Variants in SERGEF observed in about 807,000 individuals in gnomAD.
The protein encoded by SERGEF is secretion regulating guanine nucleotide exchange factor.
A neutral mutation model predicts 50.0 loss-of-function variants in SERGEF; 51 were observed. The ratio of observed to expected loss-of-function variants is 1.02; its 90% CI spans 0.81 to 1.29. The LOEUF (loss-of-function observed/expected upper bound fraction) is 1.29. Ranked by LOEUF, SERGEF falls within the 50% of genes most tolerant of loss-of-function variation. The probability of loss-of-function intolerance (pLI) is 0.00; values close to 1 mark genes in which losing one functional copy is unlikely to be tolerated. For missense variants in SERGEF, 521 were observed against 557.0 expected, an observed-to-expected ratio of 0.94 and a Z score of 0.65; for synonymous variants, 205 against 212.4, an observed-to-expected ratio of 0.97 and a Z score of 0.30.
Position 17,788,192 on chromosome 11 carries a change from C to A in SERGEF, c.1270G>T (p.Asp424Tyr), listed in dbSNP as rs1294159503. The part of the protein sequence containing the change: ...VTYLSPDAIE[D>Y]TESQKAMDKE... ...TCCATGGCTTTCTGAGATTCAGTGT[C>A]CTCGATGGCATCTGGGGAAAGGTAG... The change falls in exon 11 of 11, where the codon GAC becomes TAC. Residue 424 changes from aspartate to tyrosine, a missense_variant. Physicochemically the swap from Asp to Tyr is radical, Grantham distance 160. Coordinates refer to ENST00000265965, the MANE Select transcript of SERGEF (RefSeq NM_012139.4). 2 of 1,606,870 alleles carry A rather than the reference C, an allele frequency of 1.2e-6. No individual in the cohort carries two copies. The highest frequency in any genetic ancestry group is 8.5e-7 in the Non-Finnish European group (1 of 1,174,062).
At chr11:18,004,088 A>T (rs1854022693) in intron 4 of SERGEF, among the ~76,000 whole-genome samples, 1 of 152,212 alleles carries the variant, frequency 6.6e-6, no homozygotes, top group South Asian at 2.1e-4. Flanking sequence ...CCATTTGCCT[A>T]GCTTAGTGTC....
intron 10 of SERGEF, among the ~76,000 whole-genome samples, chr11:17,872,758 TAA>T (rs918626763): frequency 2.6e-5 from 4 of 152,202 alleles, no homozygotes; most frequent in Admixed American, 2.6e-4. Flanking sequence ...GGTCACTAGT[TAA>T]ATAAATCAAG....
intron 8 of SERGEF, among the ~76,000 whole-genome samples, chr11:17,976,807 A>C (rs1291822347): frequency 6.6e-6 from 1 of 152,216 alleles, no homozygotes; most frequent in Non-Finnish European, 1.5e-5. Context: ...TCTGCCAGGG[A>C]CCTCTACACC....
At chr11:17,945,563 A>C (rs1442691905) in intron 9 of SERGEF, among the ~76,000 whole-genome samples, 5 of 152,246 alleles carry the variant, frequency 3.3e-5, no homozygotes, top group Non-Finnish European at 7.3e-5. Flanking sequence ...ATTATCCTAG[A>C]AAGTTCTACT....
rs541718564 is a variant in SERGEF, at chr11:18,000,820, A to G, written c.448-263T>C. The stretch of plus-strand genomic sequence containing the variant: ...GGCACTTCTAAGGTCATCTAGTCCA[A>G]GAGTTAGTAAATGTTTTCTGTAAAG... On this transcript the variant is annotated intron_variant, in intron 4 of 10. Transcript: ENST00000265965. 1.4e-5 allele frequency: 9 copies of G among 621,184 alleles called. No individual in the cohort carries two copies. In the East Asian group the frequency reaches 2.8e-4, roughly 19 times the overall value. 38.5% of individuals were successfully genotyped at this position (621,184 alleles called of 1,614,324 possible). A position where few individuals can be genotyped will look rare whatever the true frequency, so the allele number is the denominator to read the frequency against.
At chr11:17,982,080 C>T (rs765121439) in intron 8 of SERGEF, among the ~76,000 whole-genome samples, 1 of 152,202 alleles carries the variant, frequency 6.6e-6, no homozygotes, top group African/African-American at 2.4e-5. Flanking sequence ...GTTGGAATTA[C>T]AGACGTGAGC....
rs1590244564 is a variant in SERGEF at position 18,000,493 on chromosome 11, T to C, written c.508+4A>G. 6 of 1,556,564 alleles carry C rather than the reference T, an allele frequency of 3.9e-6. No homozygotes were observed. The East Asian group carries it at 1.1e-4, about 30-fold the overall frequency. On this transcript the variant is annotated splice_donor_region_variant and intron_variant, in intron 5 of 10. Coordinates refer to ENST00000265965, the MANE Select transcript of SERGEF (RefSeq NM_012139.4). The stretch of plus-strand genomic sequence containing the variant: ...AAATAAAAAAATAAAGATAAGATGA[T>C]CACCTGTAGCAGCTACTGCATGCCT...
chr11:17,870,270 G>A (rs1300073448), intron 10 of SERGEF, among the ~76,000 whole-genome samples: 1 of 152,182 alleles, frequency 6.6e-6, no homozygotes, highest in Non-Finnish European at 1.5e-5. Context: ...ATTTACAGCA[G>A]TATGAAAATG....
chr11:18,009,788 T>G (rs903914133), intron 1 of SERGEF, among the ~76,000 whole-genome samples: 3 of 152,174 alleles, frequency 2.0e-5, no homozygotes, highest in South Asian at 4.1e-4. Context: ...TCAGATGTAT[T>G]TCAGATTCAG....
At position 17,941,226 on chromosome 11, in the gene SERGEF, A is replaced by C. The variant is rs766402920; in HGVS notation, c.1011+18244T>G. Among the ~76,000 whole-genome samples, 20 of 152,338 alleles carry C rather than the reference A, an allele frequency of 1.3e-4. 1 individual carries two copies. The highest frequency in any genetic ancestry group is 3.4e-3 in the Middle Eastern group (1 of 294). On this transcript the variant is annotated intron_variant, in intron 9 of 10. Transcript: ENST00000265965. ...CAATTTTTAAAATTGTGGCAAATAT[A>C]CATAACATAAAATTTACCATCTTAA... is the stretch of plus-strand genomic sequence containing the variant.
At position 17,959,634 on chromosome 11, in the gene SERGEF, T is replaced by C. The variant is rs765330520; in HGVS notation, c.847A>G (p.Thr283Ala). The change falls in exon 9 of 11, where the codon ACT becomes GCT. Residue 283 changes from threonine to alanine, a missense_variant and splice_region_variant. Thr to Ala is a moderately conservative substitution (Grantham distance 58). Coordinates refer to ENST00000265965, the MANE Select transcript of SERGEF (RefSeq NM_012139.4). ...GWTHLVAQTE[T>A]GKMFTWGRAD... is the part of the protein sequence containing the mutation. ...CGGCCCCAGGTAAACATCTTGCCAGTTTCTAAAAACAAATATTATTTGAAT... is the reference window on the plus strand; with the variant it reads ...CGGCCCCAGGTAAACATCTTGCCAGCTTCTAAAAACAAATATTATTTGAAT... 3 of 1,609,284 alleles carry C rather than the reference T, an allele frequency of 1.9e-6. No individual in the cohort carries two copies. The highest frequency in any genetic ancestry group is 2.5e-6 in the Non-Finnish European group (3 of 1,178,214).
intron 10 of SERGEF, among the ~76,000 whole-genome samples, chr11:17,858,470 A>G (rs1376121854): frequency 6.6e-6 from 1 of 152,166 alleles, no homozygotes; most frequent in African/African-American, 2.4e-5. Context: ...AGATTAGGGG[A>G]AAAGTTCATA....
chr11:18,003,406 T>G (rs936625522), intron 4 of SERGEF, among the ~76,000 whole-genome samples: 1 of 152,242 alleles, frequency 6.6e-6, no homozygotes, highest in Non-Finnish European at 1.5e-5. Flanking sequence ...TTGTCCAATA[T>G]GGTAGCCACT....
At chr11:17,833,025 A>G (rs552407310) in intron 10 of SERGEF, among the ~76,000 whole-genome samples, 3 of 152,386 alleles carry the variant, frequency 2.0e-5, no homozygotes, top group South Asian at 4.1e-4. Flanking sequence ...AATTCAAGCC[A>G]GCTGCAGAAA....
chr11:18,010,121 T>C, intron 1 of SERGEF: 1 of 1,258,486 alleles, frequency 7.9e-7, no homozygotes, highest in Non-Finnish European at 1.0e-6. Flanking sequence ...CTTTTAAATA[T>C]GTTTGTTTTT....
intron 10 of SERGEF, among the ~76,000 whole-genome samples, chr11:17,797,970 C>G (rs1274884041): frequency 6.6e-6 from 1 of 152,014 alleles, no homozygotes; most frequent in African/African-American, 2.4e-5. Context: ...AACCAAAAGT[C>G]CTTCCAATCC....
chr11:17,807,789 A>G (rs1394282890), intron 10 of SERGEF, among the ~76,000 whole-genome samples: 1 of 152,174 alleles, frequency 6.6e-6, no homozygotes, highest in Admixed American at 6.5e-5. Flanking sequence ...AATGGAAGCA[A>G]GGGCCTGGTA....
intron 8 of SERGEF, among the ~76,000 whole-genome samples, chr11:17,980,368 A>C (rs211115): frequency 0.5 from 76,286 of 151,930 alleles, 19,859 homozygotes; most frequent in African/African-American, 0.65. Flanking sequence ...CTCCGAATTG[A>C]GGCCCGTGCA....
chr11:17,864,143 A>G (rs1053741467), intron 10 of SERGEF, among the ~76,000 whole-genome samples: 1 of 152,214 alleles, frequency 6.6e-6, no homozygotes, highest in Non-Finnish European at 1.5e-5. Context: ...TTACTTTCGC[A>G]AGGCCTCAAG....
Sources: gnomAD v4.1 joint callset for allele counts (sites outside exome capture counted in the v4.1 genomes callset) on GRCh38, gnomAD v4.1.1 for gene constraint, MANE v1.5 for transcripts, NCBI Gene and HGNC (gene_info 2026-07-23, HGNC 2026-07-21) for gene names.